Variants in ARHGAP15 observed in about 807,000 individuals in gnomAD.
The protein encoded by ARHGAP15 is Rho GTPase activating protein 15.
A neutral mutation model predicts 63.7 loss-of-function variants in ARHGAP15; 51 were observed. The observed-to-expected ratio is 0.80, with a 90% CI of 0.64 to 1.01. ARHGAP15 has a LOEUF of 1.01. Ranked by LOEUF, ARHGAP15 falls within the 50% of genes least tolerant of loss-of-function variation. ARHGAP15 has a pLI of 0.00. For synonymous variants in ARHGAP15, 191 were observed against 193.8 expected, an observed-to-expected ratio of 0.99 and a Z score of 0.12; for missense variants, 560 against 564.6, an observed-to-expected ratio of 0.99 and a Z score of 0.08.
intron 12 of ARHGAP15, among the ~76,000 whole-genome samples, chr2:143,697,111 T>C (rs956289767): frequency 4.6e-5 from 7 of 152,236 alleles, no homozygotes; most frequent in Non-Finnish European, 1.0e-4. Flanking sequence ...ATGACACTTC[T>C]ATTTATGATA....
intron 5 of ARHGAP15, among the ~76,000 whole-genome samples, chr2:143,232,347 A>T (rs1174006989): frequency 1.3e-5 from 2 of 152,132 alleles, no homozygotes; most frequent in Non-Finnish European, 2.9e-5. Context: ...TTTGCCTAAC[A>T]TACTCTCTCT....
chr2:143,530,719 A>T (rs540497137), intron 10 of ARHGAP15, among the ~76,000 whole-genome samples: 1 of 152,294 alleles, frequency 6.6e-6, no homozygotes, highest in East Asian at 1.9e-4. Flanking sequence ...ATCAGCTTGC[A>T]TTATTTAAAG....
Position 143,596,391 on chromosome 2 carries a change from G to A in ARHGAP15, c.1004-27742G>A, listed in dbSNP as rs547746881. On this transcript the variant is annotated intron_variant, in intron 11 of 13. Coordinates refer to ENST00000295095, the MANE Select transcript of ARHGAP15 (RefSeq NM_018460.4). ...TGCATAACAACCCCAGAGAAACAGGGTTGATGGAATCAGAGAAGTTGGAGG... is the reference window on the plus strand; with the variant it reads ...TGCATAACAACCCCAGAGAAACAGGATTGATGGAATCAGAGAAGTTGGAGG... Among the ~76,000 whole-genome samples, 198 of 152,186 alleles carry A rather than the reference G, an allele frequency of 1.3e-3. 1 individual carries two copies. Among genetic ancestry groups the A allele is most frequent in the Non-Finnish European group, 2.3e-3 (156 of 67,980 alleles).
Position 143,391,600 on chromosome 2 carries a change from A to G in ARHGAP15, c.475-44001A>G, listed in dbSNP as rs555020219. Among the ~76,000 whole-genome samples, 3 of 152,206 alleles carry G rather than the reference A, an allele frequency of 2.0e-5. No individual in the cohort carries two copies. In the South Asian group the frequency reaches 6.2e-4, roughly 32 times the overall value. ...TTACAAGAGAAAATGATACACTACC[A>G]CCAGTCCCCTTTCCTGCCACCTTTT... On this transcript the variant is annotated intron_variant, in intron 6 of 13. Transcript: ENST00000295095.
chr2:143,470,862 ATG>A (rs925665310), intron 8 of ARHGAP15, among the ~76,000 whole-genome samples: 3 of 148,752 alleles, frequency 2.0e-5, no homozygotes, highest in Non-Finnish European at 4.5e-5. Context: ...ACGTATATTT[ATG>A]TGTGTGTGTA....
At chr2:143,418,766 G>A (rs1189023777) in intron 6 of ARHGAP15, among the ~76,000 whole-genome samples, 1 of 151,500 alleles carries the variant, frequency 6.6e-6, no homozygotes, top group Non-Finnish European at 1.5e-5. Flanking sequence ...AATATGAGAG[G>A]GGTTTTTTTC....
intron 6 of ARHGAP15, among the ~76,000 whole-genome samples, chr2:143,411,198 A>G (rs1012686232): frequency 1.1e-4 from 17 of 151,180 alleles, no homozygotes; most frequent in Non-Finnish European, 2.4e-4. Context: ...GAGCGAGACT[A>G]TCTCAAAAAA....
chr2:143,177,565 ACT>A (rs1389701837), intron 2 of ARHGAP15, among the ~76,000 whole-genome samples: 2 of 152,120 alleles, frequency 1.3e-5, no homozygotes, highest in African/African-American at 2.4e-5. Context: ...CTGTACTTAC[ACT>A]CTCTGACAGG....
chr2:143,711,482 G>A (rs1445301052), intron 13 of ARHGAP15, among the ~76,000 whole-genome samples: 1 of 152,132 alleles, frequency 6.6e-6, no homozygotes, highest in Non-Finnish European at 1.5e-5. Context: ...ACATGGAAGA[G>A]AACTGCAATG....
Position 143,207,244 on chromosome 2 carries a change from C to T in ARHGAP15, c.234+5042C>T, listed in dbSNP as rs553536126. Among the ~76,000 whole-genome samples, 32 of 151,906 alleles carry T rather than the reference C, an allele frequency of 2.1e-4. No individual in the cohort carries two copies. In the South Asian group the frequency reaches 6.4e-3, roughly 31 times the overall value. The stretch of plus-strand genomic sequence containing the variant: ...CAGCCTCAGTTCTAAATAAATGAAA[C>T]TCACTTTGAATATCACTAATTATAG... On this transcript the variant is annotated intron_variant, in intron 3 of 13. Coordinates refer to ENST00000295095, the MANE Select transcript of ARHGAP15 (RefSeq NM_018460.4).
At position 143,606,052 on chromosome 2, in the gene ARHGAP15, AAAAAAAAAAAAAAAAAAAG is replaced by A. The variant is rs763931077; in HGVS notation, c.1004-18080_1004-18062del. On this transcript the variant is annotated intron_variant, in intron 11 of 13. Coordinates refer to ENST00000295095, the MANE Select transcript of ARHGAP15 (RefSeq NM_018460.4). ...CTCTGTCTCAAAAAAAAAAAAAAAAAAAAAAAAAAAAAAAAAAAGCCATACATCTGTCTCTTTCGCTACC... is the reference window on the plus strand; with the variant it reads ...CTCTGTCTCAAAAAAAAAAAAAAAAACCATACATCTGTCTCTTTCGCTACC... Among the ~76,000 whole-genome samples, 1,074 of 135,862 alleles carry A rather than the reference AAAAAAAAAAAAAAAAAAAG, an allele frequency of 7.9e-3. 46 individuals carry two copies. The highest frequency in any genetic ancestry group is 0.026 in the African/African-American group (989 of 37,850). 89.1% of individuals were successfully genotyped at this position (135,862 alleles called of 152,430 possible).
intron 6 of ARHGAP15, among the ~76,000 whole-genome samples, chr2:143,313,605 G>A (rs941337017): frequency 2.6e-5 from 4 of 152,096 alleles, no homozygotes; most frequent in African/African-American, 9.7e-5. Flanking sequence ...GGAACAAGAA[G>A]CAAAAATCAG....
chr2:143,365,565 C>T (rs532091481), intron 6 of ARHGAP15, among the ~76,000 whole-genome samples: 51 of 152,268 alleles, frequency 3.3e-4, no homozygotes, highest in Admixed American at 1.5e-3. Flanking sequence ...CAACCATCAC[C>T]TCCACTTTGA....
intron 6 of ARHGAP15, among the ~76,000 whole-genome samples, chr2:143,395,593 A>G (rs1460692408): frequency 6.6e-6 from 1 of 152,120 alleles, no homozygotes; most frequent in East Asian, 1.9e-4. Flanking sequence ...AGCAGTATCT[A>G]GTCTAGAGGG....
intron 13 of ARHGAP15, among the ~76,000 whole-genome samples, chr2:143,745,175 C>G (rs1333613394): frequency 2.0e-5 from 3 of 152,190 alleles, no homozygotes; most frequent in Non-Finnish European, 4.4e-5. Flanking sequence ...CCAGGAATAC[C>G]TTTTGTTGCT....
At chr2:143,282,382 C>T (rs1377246923) in intron 6 of ARHGAP15, among the ~76,000 whole-genome samples, 2 of 152,100 alleles carry the variant, frequency 1.3e-5, no homozygotes, top group African/African-American at 4.8e-5. Context: ...AATAGACTTA[C>T]AGTTCCACAC....
chr2:143,421,904 GGAGA>G (rs1294893638), intron 6 of ARHGAP15, among the ~76,000 whole-genome samples: 6 of 151,324 alleles, frequency 4.0e-5, no homozygotes, highest in Admixed American at 1.3e-4. Flanking sequence ...AGAAAGGGGG[GGAGA>G]GAGAGCAAGA....
At chr2:143,470,209 T>C (rs1691451608) in intron 8 of ARHGAP15, among the ~76,000 whole-genome samples, 1 of 151,446 alleles carries the variant, frequency 6.6e-6, no homozygotes, top group African/African-American at 2.4e-5. Flanking sequence ...AAGAAAGAGC[T>C]CAACATGATT....
chr2:143,209,471 G>T (rs1692483522), intron 3 of ARHGAP15, among the ~76,000 whole-genome samples: 1 of 151,968 alleles, frequency 6.6e-6, no homozygotes, highest in African/African-American at 2.4e-5. Context: ...TCCCTTTCTA[G>T]AGAAGCGTTC....
Sources: gnomAD v4.1 joint callset for allele counts (sites outside exome capture counted in the v4.1 genomes callset) on GRCh38, gnomAD v4.1.1 for gene constraint, MANE v1.5 for transcripts, NCBI Gene and HGNC (gene_info 2026-07-23, HGNC 2026-07-21) for gene names.